Variants in RAB3D observed in about 807,000 individuals in gnomAD.
The protein encoded by RAB3D is RAB3D, member RAS oncogene family.
RAB3D carries 17 observed loss-of-function variants against 19.3 expected under a neutral mutation model. The ratio of observed to expected loss-of-function variants is 0.88; its 90% CI spans 0.60 to 1.32. The LOEUF (loss-of-function observed/expected upper bound fraction) is 1.32, where lower values mean the gene tolerates loss of function less well. RAB3D is among the 40% of genes most tolerant of loss of function. RAB3D has a pLI of 0.00. For synonymous variants in RAB3D, 103 were observed against 119.9 expected (o/e 0.86, Z 0.92); for missense variants, 223 against 299.1 (o/e 0.75, Z 1.88).
chr19:11,338,352 C>T (rs539058246), intron 1 of RAB3D, among the ~76,000 whole-genome samples: 1 of 152,290 alleles, frequency 6.6e-6, no homozygotes, highest in South Asian at 2.1e-4. Flanking sequence ...TTCGCCCCAG[C>T]GTGTGCAGCC....
chr19:11,337,869 C>T (rs573062439), intron 1 of RAB3D, among the ~76,000 whole-genome samples: 8 of 152,068 alleles, frequency 5.3e-5, no homozygotes, highest in African/African-American at 1.9e-4. Context: ...GATGGGGTCT[C>T]ATTATGTTGC....
At chr19:11,334,558 G>A (rs1455728800) in intron 4 of RAB3D, among the ~76,000 whole-genome samples, 3 of 152,064 alleles carry the variant, frequency 2.0e-5, no homozygotes, top group South Asian at 2.1e-4. Flanking sequence ...GGAGGCTGAG[G>A]AGGGAGGATC....
At chr19:11,327,824 T>C (rs1269333078) in intron 4 of RAB3D, among the ~76,000 whole-genome samples, 1 of 151,710 alleles carries the variant, frequency 6.6e-6, no homozygotes, top group African/African-American at 2.4e-5. Flanking sequence ...AGGGAGACCC[T>C]GTCTCTAAAA....
At position 11,325,072 on chromosome 19, in the gene RAB3D, C is replaced by T. The variant is rs1333994185; in HGVS notation, c.*326G>A. On this transcript the variant is annotated 3_prime_UTR_variant, in exon 5 of 5. Coordinates refer to ENST00000222120, the MANE Select transcript of RAB3D (RefSeq NM_004283.4). ...CTAAGCTAGAAGGCACCACGGATGC[C>T]CCTCCATCAGAAAGAGTGGGACGTG... 8.1e-6 allele frequency: 2 copies of T among 246,744 alleles called. No individual in the cohort carries two copies. Among genetic ancestry groups the T allele is most frequent in the African/African-American group, 2.2e-5 (1 of 44,934 alleles). The allele number at this position is 246,744 out of a possible 1,614,324, so 15.3% of individuals were successfully genotyped here.
At chr19:11,327,283 T>C (rs1041233330) in intron 4 of RAB3D, among the ~76,000 whole-genome samples, 2 of 152,200 alleles carry the variant, frequency 1.3e-5, no homozygotes, top group Non-Finnish European at 2.9e-5. Flanking sequence ...GGGCAGGACA[T>C]GAACTTAGAT....
At chr19:11,329,455 A>G (rs1599357587) in intron 4 of RAB3D, among the ~76,000 whole-genome samples, 1 of 151,768 alleles carries the variant, frequency 6.6e-6, no homozygotes, top group Non-Finnish European at 1.5e-5. Context: ...TAAAAATACA[A>G]AAGTAGCCAG....
At chr19:11,334,652 T>G (rs771379969) in intron 4 of RAB3D, among the ~76,000 whole-genome samples, 4 of 151,826 alleles carry the variant, frequency 2.6e-5, no homozygotes, top group Non-Finnish European at 4.4e-5. Flanking sequence ...AGGCCAGGCA[T>G]GGTGCCTCAC....
At chr19:11,329,971 C>A (rs189609551) in intron 4 of RAB3D, among the ~76,000 whole-genome samples, 2 of 152,100 alleles carry the variant, frequency 1.3e-5, no homozygotes, top group East Asian at 3.9e-4. Context: ...CGTGAGCCAC[C>A]GAACCTGGCC....
At chr19:11,335,835 C>A (rs779486558) in intron 2 of RAB3D, 52 bp from the exon 3 acceptor site, 43 of 1,545,472 alleles carry the variant, frequency 2.8e-5, no homozygotes, top group Non-Finnish European at 3.6e-5. Flanking sequence ...TCCCAGTCCA[C>A]CCCTGTCTTA....
At chr19:11,337,098 A>C in intron 2 of RAB3D, 74 bp downstream of exon 2, 1 of 1,343,298 alleles carries the variant, frequency 7.4e-7, no homozygotes, top group Middle Eastern at 1.9e-4. Context: ...CGTCTCAAAA[A>C]AAAAAAAAGA....
At position 11,322,848 on chromosome 19, in the gene RAB3D, G is replaced by C; in HGVS notation, c.*2550C>G. On this transcript the variant is annotated 3_prime_UTR_variant, in exon 5 of 5. Transcript: ENST00000222120. ...ACACAGGTGATTACAGGTTAGCTCT[G>C]CCCTATTCAAGACAATCTGATCCAT... is the stretch of plus-strand genomic sequence containing the variant. The C allele has an allele frequency of 6.6e-6, 1 of 152,188 alleles. No homozygotes were observed. Among genetic ancestry groups the C allele is most frequent in the East Asian group, 1.9e-4 (1 of 5,200 alleles). The allele number at this position is 152,188 out of a possible 1,614,324, so 9.4% of individuals were successfully genotyped here.
chr19:11,337,469 G>A lies in RAB3D; in HGVS notation c.-61-9C>T. 7.9e-7 allele frequency: 1 copy of A among 1,258,160 alleles called. No homozygotes were observed. Among genetic ancestry groups the A allele is most frequent in the Non-Finnish European group, 1.2e-6 (1 of 862,628 alleles). 77.9% of individuals were successfully genotyped at this position (1,258,160 alleles called of 1,614,324 possible). On this transcript the variant is annotated splice_polypyrimidine_tract_variant and intron_variant, in intron 1 of 4. Coordinates refer to ENST00000222120, the MANE Select transcript of RAB3D (RefSeq NM_004283.4). Reference sequence around the variant, plus strand: ...GAGAGGAGACGGGCGTCCTGCAGGGGAATCAAACATCAAGAACAGCTCCTG... The same window carrying A: ...GAGAGGAGACGGGCGTCCTGCAGGGAAATCAAACATCAAGAACAGCTCCTG...
chr19:11,337,499 T>C, intron 1 of RAB3D, 39 bp from the exon 2 acceptor site: 3 of 927,414 alleles, frequency 3.2e-6, no homozygotes, highest in East Asian at 2.4e-5. Flanking sequence ...CTCCTGTGAA[T>C]GCACCAGGCC....
chr19:11,326,367 C>T lies in RAB3D; in HGVS notation c.473-782G>A, dbSNP rs549403955. Among the ~76,000 whole-genome samples the T allele has an allele frequency of 2.0e-5, 3 of 152,254 alleles. No homozygotes were observed. The East Asian group carries it at 5.8e-4, about 29-fold the overall frequency. ...CTGCACACCAGCCTGGGTGATGGAGCAAGACCCTGTCTCAAAAACAAAACA... is the reference window on the plus strand; with the variant it reads ...CTGCACACCAGCCTGGGTGATGGAGTAAGACCCTGTCTCAAAAACAAAACA... On this transcript the variant is annotated intron_variant, in intron 4 of 4. Transcript: ENST00000222120.
chr19:11,330,710 C>T (rs977404640), intron 4 of RAB3D, among the ~76,000 whole-genome samples: 3 of 151,994 alleles, frequency 2.0e-5, no homozygotes, highest in Admixed American at 6.6e-5. Context: ...CCACCACACC[C>T]GGCTAATTTT....
intron 1 of RAB3D, among the ~76,000 whole-genome samples, chr19:11,338,015 G>C (rs1279565307): frequency 2.0e-5 from 3 of 152,040 alleles, no homozygotes; most frequent in Admixed American, 1.3e-4. Flanking sequence ...CTTACTCTCT[G>C]CCGGGCCCTG....
intron 4 of RAB3D, chr19:11,326,715 C>T (rs1397342258): frequency 1.0e-5 from 7 of 678,820 alleles, no homozygotes; most frequent in Admixed American, 2.1e-5. Flanking sequence ...GCGATCCTCC[C>T]GCCTTGGCCC....
Position 11,326,829 on chromosome 19 carries a change from T to C in RAB3D, c.473-1244A>G, listed in dbSNP as rs1280295989. ...CTCGCTATGTTGCGCAGGCTGGTCT[T>C]GAACTGCTGGCCTAAAGCGATCCCC... On this transcript the variant is annotated intron_variant, in intron 4 of 4. Coordinates refer to ENST00000222120, the MANE Select transcript of RAB3D (RefSeq NM_004283.4). 3.0e-6 allele frequency: 2 copies of C among 677,814 alleles called. 1 individual carries two copies. Among genetic ancestry groups the C allele is most frequent in the South Asian group, 3.1e-5 (2 of 63,932 alleles). The allele number at this position is 677,814 out of a possible 1,614,324, so 42.0% of individuals were successfully genotyped here.
Position 11,325,603 on chromosome 19 carries a change from T to C in RAB3D, c.473-18A>G. 6.5e-7 allele frequency: 1 copy of C among 1,542,944 alleles called. No homozygotes were observed. Among genetic ancestry groups the C allele is most frequent in the African/African-American group, 1.8e-5 (1 of 56,176 alleles). On this transcript the variant is annotated intron_variant, in intron 4 of 4. Transcript: ENST00000222120. ...CTCGAAACCTGGATGAATGTTAAGG[T>C]GGGGACACTCGTAAGACCCCTGAGG...
Sources: allele counts gnomAD v4.1 joint callset (sites outside exome capture counted in the v4.1 genomes callset), GRCh38; gene constraint gnomAD v4.1.1; transcripts MANE v1.5; gene names NCBI Gene and HGNC (gene_info 2026-07-23, HGNC 2026-07-21).